The following CCNB2 variants were observed in gnomAD, a reference collection of about 807,000 sequenced individuals.
The protein encoded by CCNB2 is cyclin B2.
CCNB2 carries 39 observed loss-of-function variants against 51.1 expected under a neutral mutation model. The observed-to-expected ratio is 0.76, with a 90% CI of 0.59 to 1.00. CCNB2 has a LOEUF of 1.00. CCNB2 is among the 50% of genes least tolerant of loss of function. The pLI, the probability that CCNB2 is intolerant of heterozygous loss-of-function variation, is 0.00. For missense variants in CCNB2, 472 were observed against 470.3 expected, an observed-to-expected ratio of 1.00 and a Z score of -0.03; for synonymous variants, 174 against 165.5, an observed-to-expected ratio of 1.05 and a Z score of -0.40.
At chr15:59,120,628 A>G (rs1012203327) in intron 7 of CCNB2, among the ~76,000 whole-genome samples, 2 of 152,218 alleles carry the variant, frequency 1.3e-5, no homozygotes, top group Non-Finnish European at 2.9e-5. Context: ...TTTAAAAATC[A>G]GAATACCAGC....
chr15:59,123,694 G>C (rs537037874), intron 8 of CCNB2, 67 bp downstream of exon 8: 11 of 641,664 alleles, frequency 1.7e-5, no homozygotes, highest in Non-Finnish European at 2.9e-5. Context: ...TATGTTGGGC[G>C]GGGGGGGGCG....
chr15:59,105,511 C>T (rs2079232063), intron 1 of CCNB2, among the ~76,000 whole-genome samples: 1 of 152,250 alleles, frequency 6.6e-6, no homozygotes, highest in Admixed American at 6.5e-5. Context: ...CTCCCTGCCC[C>T]GGGGTGGGAG....
Position 59,124,991 on chromosome 15 carries a change from C to A in CCNB2, c.*114C>A. Reference sequence around the variant, plus strand: ...TATCTCATGAAACCTCTTCTCAGACCAGTTTTCTAAACATATATTGAGGAA... The same window carrying A: ...TATCTCATGAAACCTCTTCTCAGACAAGTTTTCTAAACATATATTGAGGAA... On this transcript the variant is annotated 3_prime_UTR_variant, in exon 9 of 9. Coordinates refer to ENST00000288207, the MANE Select transcript of CCNB2 (RefSeq NM_004701.4). 1.8e-6 allele frequency: 1 copy of A among 561,690 alleles called. No individual in the cohort carries two copies. The highest frequency in any genetic ancestry group is 3.1e-6 in the Non-Finnish European group (1 of 327,654). 34.8% of individuals were successfully genotyped at this position (561,690 alleles called of 1,614,324 possible). A position where few individuals can be genotyped will look rare whatever the true frequency, so the allele number is the denominator to read the frequency against.
chr15:59,118,865 C>T (rs978400381), intron 7 of CCNB2, among the ~76,000 whole-genome samples: 1 of 152,116 alleles, frequency 6.6e-6, no homozygotes, highest in African/African-American at 2.4e-5. Context: ...GCCTGTGTGG[C>T]CTATATGGAT....
At chr15:59,124,712 A>AT in intron 8 of CCNB2, 55 bp from the exon 9 acceptor site, 1 of 1,165,378 alleles carries the variant, frequency 8.6e-7, no homozygotes, top group Non-Finnish European at 1.3e-6. Flanking sequence ...TAGACTAGGA[A>AT]TAAGGTATCA....
At chr15:59,113,746 C>A (rs759684600) in intron 3 of CCNB2, among the ~76,000 whole-genome samples, 1 of 152,032 alleles carries the variant, frequency 6.6e-6, no homozygotes, top group East Asian at 1.9e-4. Flanking sequence ...GGTTTTGAGG[C>A]GGAGTCTTGT....
At position 59,114,795 on chromosome 15, in the gene CCNB2, G is replaced by A. The variant is rs1279835665; in HGVS notation, c.516G>A (p.Trp172Ter). 6.2e-7 allele frequency: 1 copy of A among 1,614,052 alleles called. No homozygotes were observed. The highest frequency in any genetic ancestry group is 8.5e-7 in the Non-Finnish European group (1 of 1,180,018). ...NGRMRAILVD[W>*]LVQVHSKFRL... ...GCATGCGTGCCATCCTAGTGGATTG[G>A]CTGGTACAAGTCCACTCCAAGTTTA... Residue 172 changes from tryptophan to a stop codon, truncating the protein, a stop_gained, in exon 5 of 9, where the codon TGG (tryptophan) becomes TGA (stop). Transcript: ENST00000288207. LOFTEE classifies it high-confidence loss of function.
At chr15:59,113,136 T>C (rs1180678308) in intron 3 of CCNB2, among the ~76,000 whole-genome samples, 2 of 152,220 alleles carry the variant, frequency 1.3e-5, no homozygotes, top group African/African-American at 4.8e-5. Context: ...TTTTTATAAA[T>C]AATTACCCAG....
chr15:59,115,930 C>G (rs1212368959), intron 5 of CCNB2: 2 of 152,096 alleles, frequency 1.3e-5, no homozygotes, highest in Non-Finnish European at 2.9e-5. Flanking sequence ...TGGGGTTTTG[C>G]CATGTTGCTC....
intron 3 of CCNB2, among the ~76,000 whole-genome samples, chr15:59,112,367 C>CAA (rs1239892025): frequency 6.7e-6 from 1 of 148,974 alleles, no homozygotes; most frequent in Non-Finnish European, 1.5e-5. Context: ...TTTTTTGAGA[C>CAA]AGAGTCTCGC....
chr15:59,112,768 C>T (rs1352572115), intron 3 of CCNB2, among the ~76,000 whole-genome samples: 8 of 151,888 alleles, frequency 5.3e-5, no homozygotes, highest in African/African-American at 1.9e-4. Context: ...GGTGCAGTGG[C>T]TCAAGCCTGT....
intron 3 of CCNB2, among the ~76,000 whole-genome samples, chr15:59,109,050 A>G (rs1349888499): frequency 1.3e-5 from 2 of 152,040 alleles, no homozygotes; most frequent in Admixed American, 6.5e-5. Context: ...TTGGCAGTAT[A>G]TGTATATATT....
intron 7 of CCNB2, chr15:59,121,062 G>A (rs1464305133): frequency 6.6e-6 from 1 of 152,174 alleles, no homozygotes; most frequent in Non-Finnish European, 1.5e-5. Context: ...ACTGGTGACA[G>A]TGTTTCTTAT....
At chr15:59,122,516 C>T (rs181091327) in intron 7 of CCNB2, among the ~76,000 whole-genome samples, 9 of 148,950 alleles carry the variant, frequency 6.0e-5, no homozygotes, top group East Asian at 2.0e-4. Context: ...TGAGCCACTG[C>T]GCCTGGCCTT....
At chr15:59,123,486 C>A in intron 7 of CCNB2, 31 bp from the exon 8 acceptor site, 1 of 1,331,866 alleles carries the variant, frequency 7.5e-7, no homozygotes, top group Non-Finnish European at 1.1e-6. Context: ...GCCCCTCAGT[C>A]ATGTCTGTCT....
At chr15:59,107,478 T>A in intron 2 of CCNB2, 28 bp downstream of exon 2, 1 of 1,614,042 alleles carries the variant, frequency 6.2e-7, no homozygotes, top group Non-Finnish European at 8.5e-7. Flanking sequence ...TGAATGTGAA[T>A]ACAGAGGCCG....
chr15:59,109,198 A>G (rs1272174804), intron 3 of CCNB2, among the ~76,000 whole-genome samples: 5 of 152,012 alleles, frequency 3.3e-5, no homozygotes, highest in African/African-American at 1.2e-4. Context: ...TTACAGGTGC[A>G]TGCTACCATG....
chr15:59,117,175 C>T, intron 6 of CCNB2, 53 bp from the exon 7 acceptor site: 1 of 1,584,714 alleles, frequency 6.3e-7, no homozygotes, highest in Non-Finnish European at 8.6e-7. Flanking sequence ...CAGAATTTTG[C>T]AAGACAGTAA....
chr15:59,121,241 ATGAT>A (rs1165004910), intron 7 of CCNB2: 1 of 152,208 alleles, frequency 6.6e-6, no homozygotes, highest in African/African-American at 2.4e-5. Flanking sequence ...GCACATGTTC[ATGAT>A]TGATCAGTCT....
Sources: gnomAD v4.1 joint callset for allele counts (sites outside exome capture counted in the v4.1 genomes callset) on GRCh38, gnomAD v4.1.1 for gene constraint, MANE v1.5 for transcripts, NCBI Gene and HGNC (gene_info 2026-07-23, HGNC 2026-07-21) for gene names.